The following CCDC91 variants were observed in gnomAD, a reference collection of about 807,000 sequenced individuals.
CCDC91 encodes coiled-coil domain containing 91.
Under a neutral mutation model 63.2 loss-of-function variants are expected in CCDC91, and 48 were observed. The observed-to-expected ratio is 0.76, with a 90% confidence interval of 0.60 to 0.97. CCDC91 has a LOEUF of 0.97. Ranked by LOEUF, CCDC91 falls within the 50% of genes least tolerant of loss-of-function variation. The pLI is 0.00. For missense variants in CCDC91, 500 were observed against 494.6 expected (o/e 1.01, Z -0.10); for synonymous variants, 167 against 165.8 (o/e 1.01, Z -0.06).
Position 28,450,430 on chromosome 12 carries a change from T to C in CCDC91, c.924+12T>C, listed in dbSNP as rs1351052836. 6.3e-7 allele frequency: 1 copy of C among 1,594,806 alleles called. No homozygotes were observed. Among genetic ancestry groups the C allele is most frequent in the African/African-American group, 1.3e-5 (1 of 74,496 alleles). The stretch of plus-strand genomic sequence containing the variant: ...TATCCGCTGCAAAGGTATTTCCATC[T>C]GTAATAGTGGGTTGCTTGTAAGTAA... On this transcript the variant is annotated intron_variant, in intron 10 of 12. Transcript: ENST00000536442.
At chr12:28,256,431 CTT>C (rs768217260) in intron 1 of CCDC91, among the ~76,000 whole-genome samples, 28 of 141,238 alleles carry the variant, frequency 2.0e-4, no homozygotes, top group East Asian at 2.0e-4. Context: ...GCTGCTGCTC[CTT>C]TTTTTTTTTT....
At chr12:28,288,398 T>C (rs1949030574) in intron 3 of CCDC91, among the ~76,000 whole-genome samples, 1 of 152,228 alleles carries the variant, frequency 6.6e-6, no homozygotes, top group Admixed American at 6.5e-5. Context: ...TTGAGAGTTT[T>C]TAACATGAAG....
chr12:28,411,387 A>G (rs1395679464), intron 8 of CCDC91, among the ~76,000 whole-genome samples: 1 of 152,216 alleles, frequency 6.6e-6, no homozygotes, highest in Non-Finnish European at 1.5e-5. Context: ...TTTAATTAGA[A>G]TATTTGTAAT....
intron 1 of CCDC91, among the ~76,000 whole-genome samples, chr12:28,223,699 A>C (rs757551693): frequency 6.6e-6 from 1 of 152,244 alleles, no homozygotes; most frequent in Non-Finnish European, 1.5e-5. Flanking sequence ...CTACTGATGC[A>C]AAATCAGTTT....
At chr12:28,379,436 A>T (rs1945147361) in intron 7 of CCDC91, among the ~76,000 whole-genome samples, 1 of 150,626 alleles carries the variant, frequency 6.6e-6, no homozygotes. Flanking sequence ...ATCTACAAAG[A>T]ACTCAAACAA....
At position 28,267,940 on chromosome 12, in the gene CCDC91, A is replaced by G. The variant is rs1321995469; in HGVS notation, c.109+8498A>G. 2.9e-5 allele frequency among the ~76,000 whole-genome samples: 3 copies of G among 105,190 alleles called. 1 individual carries two copies. Among genetic ancestry groups the G allele is most frequent in the African/African-American group, 7.8e-5 (2 of 25,598 alleles). The allele number at this position is 105,190 out of a possible 152,430, so 69.0% of individuals were successfully genotyped here. On this transcript the variant is annotated intron_variant, in intron 3 of 12. Coordinates refer to ENST00000536442, the MANE Select transcript of CCDC91 (RefSeq NM_018318.5). ...AATTATTATAATTATATATAATTAT[A>G]TATAATTATTATATATAATTATATA...
At chr12:28,312,520 G>A (rs1454301888) in intron 6 of CCDC91, among the ~76,000 whole-genome samples, 3 of 151,944 alleles carry the variant, frequency 2.0e-5, no homozygotes, top group East Asian at 1.9e-4. Flanking sequence ...ACACAAAGTC[G>A]TTTCTACCTA....
chr12:28,427,253 C>T (rs150205327), intron 8 of CCDC91, among the ~76,000 whole-genome samples: 56 of 152,152 alleles, frequency 3.7e-4, no homozygotes, highest in South Asian at 2.1e-3. Flanking sequence ...GGCTAGAGCG[C>T]GCTGGAATCT....
intron 12 of CCDC91, among the ~76,000 whole-genome samples, chr12:28,542,732 A>C (rs757089328): frequency 1.3e-5 from 2 of 152,122 alleles, no homozygotes; most frequent in African/African-American, 4.8e-5. Flanking sequence ...TGAGAAGTTC[A>C]TAGAAAGTGA....
intron 3 of CCDC91, among the ~76,000 whole-genome samples, chr12:28,300,801 A>C (rs1034986593): frequency 6.6e-6 from 1 of 151,520 alleles, no homozygotes; most frequent in African/African-American, 2.4e-5. Context: ...AGTGTTTTAA[A>C]GTTTTCCTCA....
intron 6 of CCDC91, among the ~76,000 whole-genome samples, chr12:28,325,248 G>A (rs192343999): frequency 2.6e-4 from 39 of 152,096 alleles, no homozygotes; most frequent in Non-Finnish European, 3.4e-4. Flanking sequence ...AATAGATACC[G>A]TAAGTGATTT....
Position 28,530,493 on chromosome 12 carries a change from A to G in CCDC91, c.1216-18570A>G, listed in dbSNP as rs559534230. Among the ~76,000 whole-genome samples, 14 of 152,298 alleles carry G rather than the reference A, an allele frequency of 9.2e-5. No homozygotes were observed. In the South Asian group the frequency reaches 2.9e-3, roughly 32 times the overall value. On this transcript the variant is annotated intron_variant, in intron 12 of 12. Coordinates refer to ENST00000536442, the MANE Select transcript of CCDC91 (RefSeq NM_018318.5). ...CAGTGCTGTGTTCAAATTTCTAACC[A>G]TAGAATTTGTGAGCATAATTAGTAA...
intron 3 of CCDC91, among the ~76,000 whole-genome samples, chr12:28,299,406 A>C (rs1937787018): frequency 6.6e-6 from 1 of 151,486 alleles, no homozygotes. Context: ...TATGTCCCAA[A>C]GTAACTTGGG....
chr12:28,496,360 C>T (rs867693302), intron 12 of CCDC91, among the ~76,000 whole-genome samples: 6 of 151,574 alleles, frequency 4.0e-5, no homozygotes, highest in Non-Finnish European at 7.4e-5. Flanking sequence ...CCTCTAATTC[C>T]TCACTTATGA....
chr12:28,248,102 GA>G (rs1945878579), intron 1 of CCDC91, among the ~76,000 whole-genome samples: 2 of 152,084 alleles, frequency 1.3e-5, no homozygotes, highest in Non-Finnish European at 2.9e-5. Context: ...TTTTGTGATT[GA>G]TTTTATATAT....
At chr12:28,334,593 A>G (rs190854120) in intron 6 of CCDC91, among the ~76,000 whole-genome samples, 44 of 152,274 alleles carry the variant, frequency 2.9e-4, no homozygotes, top group African/African-American at 1.1e-3. Flanking sequence ...AGGGTTTGGG[A>G]ACATTCTCCT....
At chr12:28,425,997 G>C (rs1286658335) in intron 8 of CCDC91, among the ~76,000 whole-genome samples, 1 of 152,114 alleles carries the variant, frequency 6.6e-6, no homozygotes, top group Non-Finnish European at 1.5e-5. Flanking sequence ...GGGCCTCTGA[G>C]CTTTCTATTC....
intron 10 of CCDC91, among the ~76,000 whole-genome samples, chr12:28,451,042 A>C (rs1372866957): frequency 6.6e-6 from 1 of 151,786 alleles, no homozygotes; most frequent in African/African-American, 2.4e-5. Context: ...TGTACATCAT[A>C]TATCTATGTC....
chr12:28,362,473 A>G lies in CCDC91; in HGVS notation c.612A>G (p.Lys204=). The G allele has an allele frequency of 1.3e-6, 2 of 1,599,504 alleles. No homozygotes were observed. The highest frequency in any genetic ancestry group is 1.7e-6 in the Non-Finnish European group (2 of 1,172,536). ...AACAAGAATTGGAAGACATGAGGAAAGCTGGTCACGAAGCCCTCAGCATTA... is the reference window on the plus strand; with the variant it reads ...AACAAGAATTGGAAGACATGAGGAAGGCTGGTCACGAAGCCCTCAGCATTA... ...KHKQELEDMR[K]AGHEALSIIV... is the part of the protein sequence containing the mutation. The change falls in exon 7 of 13, where the codon AAA becomes AAG. Residue 204 remains lysine (K), a synonymous_variant. Coordinates refer to ENST00000536442, the MANE Select transcript of CCDC91 (RefSeq NM_018318.5).
Sources: allele counts gnomAD v4.1 joint callset (sites outside exome capture counted in the v4.1 genomes callset), GRCh38; gene constraint gnomAD v4.1.1; transcripts MANE v1.5; gene names NCBI Gene and HGNC (gene_info 2026-07-23, HGNC 2026-07-21).